The following DISC1 variants were observed in gnomAD, a reference collection of about 807,000 sequenced individuals.
The protein encoded by DISC1 is disrupted in schizophrenia 1 protein.
In DISC1, 57 loss-of-function variants were observed where a neutral mutation model predicts 84.5. That is an observed-to-expected ratio of 0.67 (90% confidence interval 0.55 to 0.84). The LOEUF (loss-of-function observed/expected upper bound fraction) is 0.84. Among genes scored for constraint, DISC1 ranks in the 40% least tolerant of loss-of-function variants. DISC1 has a pLI of 0.00. For synonymous variants in DISC1, 411 were observed against 415.2 expected, an observed-to-expected ratio of 0.99 and a Z score of 0.12; for missense variants, 1,000 against 1,057.8, an observed-to-expected ratio of 0.95 and a Z score of 0.76.
rs185758741 is a variant in DISC1 at position 231,975,278 on chromosome 1, C to T, written c.2042+16390C>T. Among the ~76,000 whole-genome samples, 3 of 152,186 alleles carry T rather than the reference C, an allele frequency of 2.0e-5. No homozygotes were observed. In the East Asian group the frequency reaches 5.8e-4, roughly 29 times the overall value. Reference sequence around the variant, plus strand: ...AAAAGCACAATGAGATATCATTGTACCCCAGTCAGAATGGCTATTATCTAA... The same window carrying T: ...AAAAGCACAATGAGATATCATTGTATCCCAGTCAGAATGGCTATTATCTAA... On this transcript the variant is annotated intron_variant, in intron 10 of 12. Transcript: ENST00000439617.
rs192953955 is a variant in DISC1 at position 231,820,333 on chromosome 1, T to G, written c.1981+1816T>G. The stretch of plus-strand genomic sequence containing the variant: ...CAAAGTCCATATTCAGCTTTTTTTG[T>G]GTTTTGAGGGTTAAAAATTCAGAGG... On this transcript the variant is annotated intron_variant, in intron 9 of 12. Coordinates refer to ENST00000439617, the MANE Select transcript of DISC1 (RefSeq NM_018662.3). Among the ~76,000 whole-genome samples, 893 of 152,320 alleles carry G rather than the reference T, an allele frequency of 5.9e-3. 7 individuals are homozygous for G. The highest frequency in any genetic ancestry group is 0.021 in the African/African-American group (862 of 41,564).
intron 10 of DISC1, among the ~76,000 whole-genome samples, chr1:232,005,943 C>CA (rs1211213286): frequency 2.6e-5 from 4 of 151,492 alleles, no homozygotes; most frequent in African/African-American, 7.3e-5. Context: ...TTTGGTTTTC[C>CA]AAAAAAAAGT....
At position 231,862,237 on chromosome 1, in the gene DISC1, T is replaced by C. The variant is rs191960962; in HGVS notation, c.1981+43720T>C. Among the ~76,000 whole-genome samples, 602 of 152,328 alleles carry C rather than the reference T, an allele frequency of 4.0e-3. 4 individuals are homozygous for C. Among genetic ancestry groups the C allele is most frequent in the Non-Finnish European group, 5.9e-3 (401 of 68,022 alleles). ...GGCATCTGAGACTCAGAGGCCTAAG[T>C]GGCTGGAAGTAGCTCCAGCAGCTAT... is the stretch of plus-strand genomic sequence containing the variant. On this transcript the variant is annotated intron_variant, in intron 9 of 12. Transcript: ENST00000439617.
At chr1:231,736,318 G>A (rs1291928110) in intron 3 of DISC1, among the ~76,000 whole-genome samples, 1 of 152,156 alleles carries the variant, frequency 6.6e-6, no homozygotes, top group Non-Finnish European at 1.5e-5. Flanking sequence ...GTGGCTCTTG[G>A]GAAAAGTAAT....
intron 9 of DISC1, among the ~76,000 whole-genome samples, chr1:231,822,564 G>T (rs2759331): frequency 0.24 from 36,400 of 151,988 alleles, 4,597 homozygotes; most frequent in East Asian, 0.41. Flanking sequence ...TTGTAAGTTC[G>T]CAATGACAAG....
At chr1:231,678,778 G>T (rs2063409003) in intron 1 of DISC1, among the ~76,000 whole-genome samples, 2 of 152,116 alleles carry the variant, frequency 1.3e-5, no homozygotes, top group Non-Finnish European at 2.9e-5. Context: ...CCATTCTCCT[G>T]CCTCAGCCTC....
chr1:232,002,423 C>T (rs1171105975), intron 10 of DISC1, among the ~76,000 whole-genome samples: 1 of 152,146 alleles, frequency 6.6e-6, no homozygotes, highest in African/African-American at 2.4e-5. Flanking sequence ...CACCTATGCA[C>T]AGATGTTCAT....
intron 9 of DISC1, among the ~76,000 whole-genome samples, chr1:231,896,619 C>T (rs1266999548): frequency 6.6e-6 from 1 of 152,088 alleles, no homozygotes; most frequent in African/African-American, 2.4e-5. Flanking sequence ...AGACTTGAGG[C>T]TTATAGATGT....
rs919312291 is a variant in DISC1 at position 231,764,533 on chromosome 1, T to G, written c.1269-2607T>G. The stretch of plus-strand genomic sequence containing the variant: ...TCATACTTTTTGCCATAAAACCTGC[T>G]TTAGAAAAAACAGCAATAAATAGTG... On this transcript the variant is annotated intron_variant, in intron 4 of 12. Coordinates refer to ENST00000439617, the MANE Select transcript of DISC1 (RefSeq NM_018662.3). Among the ~76,000 whole-genome samples the G allele has an allele frequency of 2.0e-5, 3 of 152,210 alleles. No individual in the cohort carries two copies. In the South Asian group the frequency reaches 6.2e-4, roughly 32 times the overall value.
At chr1:232,026,766 T>C (rs1375239648) in intron 12 of DISC1, among the ~76,000 whole-genome samples, 41 of 42,312 alleles carry the variant, frequency 9.7e-4, no homozygotes, top group African/African-American at 2.6e-3. Context: ...TTTTTTCTTT[T>C]TTTTTTTTTT....
At chr1:231,695,870 G>C (rs1312228595) in intron 2 of DISC1, among the ~76,000 whole-genome samples, 1 of 152,086 alleles carries the variant, frequency 6.6e-6, no homozygotes, top group African/African-American at 2.4e-5. Context: ...TTCTAGCCCT[G>C]TCCCTGTTTG....
chr1:231,668,041 G>A (rs1459429094), intron 1 of DISC1, among the ~76,000 whole-genome samples: 1 of 147,382 alleles, frequency 6.8e-6, no homozygotes, highest in East Asian at 2.0e-4. Flanking sequence ...GGGTGACAGA[G>A]CAAGACTCTG....
At chr1:231,930,930 T>C (rs201322871) in intron 9 of DISC1, among the ~76,000 whole-genome samples, 43 of 152,196 alleles carry the variant, frequency 2.8e-4, no homozygotes, top group Non-Finnish European at 5.3e-4. Context: ...CATTTGGGAT[T>C]GACTCTTAGC....
intron 9 of DISC1, chr1:231,866,449 C>A: frequency 1.3e-6 from 1 of 755,830 alleles, no homozygotes; most frequent in Non-Finnish European, 2.5e-6. Flanking sequence ...TGATAATGAC[C>A]AACAGCTAAC....
In DISC1 at chr1:231,798,340, A is replaced by T. The variant is rs113531496; in HGVS notation, c.1690-1768A>T. 6.1e-4 allele frequency among the ~76,000 whole-genome samples: 93 copies of T among 152,286 alleles called. 1 individual carries two copies. In the East Asian group the frequency reaches 0.017, roughly 27 times the overall value. ...TTAGATTACATCCAGCAGAGCCTGA[A>T]AGAATGAACATTGCAATTTAATAAG... On this transcript the variant is annotated intron_variant, in intron 7 of 12. Coordinates refer to ENST00000439617, the MANE Select transcript of DISC1 (RefSeq NM_018662.3).
intron 10 of DISC1, among the ~76,000 whole-genome samples, chr1:231,999,848 A>AC (rs1553418018): frequency 4.0e-5 from 6 of 150,284 alleles, no homozygotes; most frequent in Non-Finnish European, 8.9e-5. Context: ...AACAACAACA[A>AC]AACAACCAAC....
chr1:231,742,001 C>A (rs184395740), intron 3 of DISC1, among the ~76,000 whole-genome samples: 1 of 152,276 alleles, frequency 6.6e-6, no homozygotes, highest in Non-Finnish European at 1.5e-5. Context: ...TAAACATGAG[C>A]TAGATCATGC....
At chr1:231,775,849 A>C (rs545236108) in intron 6 of DISC1, among the ~76,000 whole-genome samples, 6 of 152,120 alleles carry the variant, frequency 3.9e-5, no homozygotes, top group African/African-American at 1.4e-4. Context: ...TTCTTCTCCC[A>C]CACGAAACCC....
intron 3 of DISC1, among the ~76,000 whole-genome samples, chr1:231,721,241 G>A (rs1158337058): frequency 1.3e-5 from 2 of 152,134 alleles, no homozygotes; most frequent in Non-Finnish European, 2.9e-5. Flanking sequence ...GTCCCTGGTT[G>A]GAGTATTGTG....
Sources: allele counts gnomAD v4.1 joint callset (sites outside exome capture counted in the v4.1 genomes callset), GRCh38; gene constraint gnomAD v4.1.1; transcripts MANE v1.5; gene names NCBI Gene and HGNC (gene_info 2026-07-23, HGNC 2026-07-21).